Variants in FRMPD4 observed in about 807,000 individuals in gnomAD.
FRMPD4 encodes the protein FERM and PDZ domain containing 4, also known as FERM and PDZ domain-containing protein 4.
FRMPD4 carries 22 observed loss-of-function variants against 94.1 expected under a neutral mutation model. The ratio of observed to expected loss-of-function variants is 0.23; its 90% CI spans 0.17 to 0.33. The LOEUF (loss-of-function observed/expected upper bound fraction) is 0.33, where lower values mean the gene tolerates loss of function less well. Ranked by LOEUF, FRMPD4 falls within the 10% of genes least tolerant of loss-of-function variation. The probability of loss-of-function intolerance (pLI) is 1.00; values close to 1 mark genes in which losing one functional copy is unlikely to be tolerated. For synonymous variants in FRMPD4, 631 were observed against 548.6 expected, an observed-to-expected ratio of 1.15 and a Z score of -2.10; for missense variants, 1,111 against 1,339.9, an observed-to-expected ratio of 0.83 and a Z score of 2.67.
At position 11,841,686 on chromosome X, in the gene FRMPD4, A is replaced by G. The variant is rs755880456; in HGVS notation, c.-161+18971A>G. Among the ~76,000 whole-genome samples, 3 of 109,267 alleles carry G rather than the reference A, an allele frequency of 2.7e-5. No homozygotes were observed. In the East Asian group the frequency reaches 8.6e-4, roughly 31 times the overall value. 94.9% of individuals were successfully genotyped at this position (109,267 alleles called of 115,157 possible). A position where few individuals can be genotyped will look rare whatever the true frequency, so the allele number is the denominator to read the frequency against. On this transcript the variant is annotated intron_variant, in intron 1 of 18. Coordinates refer to the FRMPD4 transcript ENST00000640291. ...GAGTAGGTTGCGAAAATTTTCTCCC[A>G]TGTTGTAGGTTGCCTGTTCACTCTG...
intron 1 of FRMPD4, among the ~76,000 whole-genome samples, chrX:11,859,199 A>G (rs903437871): frequency 4.5e-5 from 5 of 111,732 alleles, no homozygotes; most frequent in African/African-American, 1.6e-4. Flanking sequence ...TGCACATGGG[A>G]AGAACTACAC....
At chrX:12,668,755 C>T (rs1297786667) in intron 4 of FRMPD4, among the ~76,000 whole-genome samples, 1 of 109,731 alleles carries the variant, frequency 9.1e-6, no homozygotes, top group Non-Finnish European at 1.9e-5. Context: ...CAAGCATGTG[C>T]CACCATGCCC....
At chrX:12,426,744 C>G in intron 1 of FRMPD4, among the ~76,000 whole-genome samples, 1 of 111,753 alleles carries the variant, frequency 8.9e-6, no homozygotes, top group Non-Finnish European at 1.9e-5. Context: ...ACACTCCTAT[C>G]AGTCCGATGG....
intron 2 of FRMPD4, among the ~76,000 whole-genome samples, chrX:12,517,407 C>T (rs1193489005): frequency 8.9e-6 from 1 of 112,711 alleles, no homozygotes; most frequent in Non-Finnish European, 1.9e-5. Flanking sequence ...TTTGTTGATG[C>T]TGTTGTTGTT....
intron 1 of FRMPD4, among the ~76,000 whole-genome samples, chrX:12,304,251 A>G (rs1448339284): frequency 8.9e-6 from 1 of 111,875 alleles, no homozygotes; most frequent in East Asian, 2.8e-4. Context: ...TTTGTGTTCT[A>G]TTACCAAAAA....
At chrX:11,986,967 C>G (rs1250432802) in intron 3 of FRMPD4, among the ~76,000 whole-genome samples, 1 of 107,962 alleles carries the variant, frequency 9.3e-6, no homozygotes, top group Non-Finnish European at 1.9e-5. Context: ...CTGAATTCTA[C>G]CAAACATTTA....
chrX:11,905,587 G>T (rs949353490), intron 3 of FRMPD4, among the ~76,000 whole-genome samples: 1 of 111,474 alleles, frequency 9.0e-6, no homozygotes, highest in Non-Finnish European at 1.9e-5. Flanking sequence ...CTATTAGAAA[G>T]AGCCCTCAGT....
chrX:12,464,755 T>C (rs981996560), intron 1 of FRMPD4, among the ~76,000 whole-genome samples: 1 of 111,770 alleles, frequency 8.9e-6, no homozygotes, highest in East Asian at 2.8e-4. Flanking sequence ...TGAGTAATTA[T>C]GTGTACAACT....
At chrX:12,474,458 A>T (rs1307410719) in intron 1 of FRMPD4, among the ~76,000 whole-genome samples, 1 of 111,788 alleles carries the variant, frequency 8.9e-6, no homozygotes, top group Non-Finnish European at 1.9e-5. Context: ...AATAACTAAG[A>T]TCAGAGCAGA....
chrX:12,475,583 T>C (rs1387288142), intron 1 of FRMPD4, among the ~76,000 whole-genome samples: 3 of 111,728 alleles, frequency 2.7e-5, no homozygotes, highest in African/African-American at 9.8e-5. Context: ...CAGTCCAAAA[T>C]CTCCTTAAGC....
intron 1 of FRMPD4, among the ~76,000 whole-genome samples, chrX:12,495,919 A>G (rs1371390852): frequency 9.0e-6 from 1 of 111,156 alleles, no homozygotes; most frequent in Non-Finnish European, 1.9e-5. Flanking sequence ...AACGTGCAGT[A>G]AGGCATCACA....
chrX:12,310,970 T>A (rs2055022226), intron 1 of FRMPD4, among the ~76,000 whole-genome samples: 1 of 112,814 alleles, frequency 8.9e-6, no homozygotes, highest in South Asian at 3.6e-4. Flanking sequence ...TCAGCTTTTA[T>A]TTTACTATTT....
Position 12,306,221 on chromosome X carries a change from A to C in FRMPD4, c.41+167209A>C, listed in dbSNP as rs141211781. Among the ~76,000 whole-genome samples the C allele has an allele frequency of 2.1e-4, 23 of 111,458 alleles. No homozygotes were observed. In the East Asian group the frequency reaches 6.2e-3, roughly 30 times the overall value. The stretch of plus-strand genomic sequence containing the variant: ...CAATCAGAAGTACTGTACTGATTGC[A>C]TTTCTTTGTCTCAAAAAGTTTTCCT... On this transcript the variant is annotated intron_variant, in intron 1 of 16. Coordinates refer to ENST00000675598, the MANE Select transcript of FRMPD4 (RefSeq NM_001368397.1).
In FRMPD4 at chrX:12,249,017, C is replaced by T. The variant is rs147005255; in HGVS notation, c.41+110005C>T. ...TTGTGCCACTGCACTCCAGCCTGGGCGATAGAATGAGACTCCGTCTCAAAA... is the reference window on the plus strand; with the variant it reads ...TTGTGCCACTGCACTCCAGCCTGGGTGATAGAATGAGACTCCGTCTCAAAA... On this transcript the variant is annotated intron_variant, in intron 1 of 16. Coordinates refer to ENST00000675598, the MANE Select transcript of FRMPD4 (RefSeq NM_001368397.1). Among the ~76,000 whole-genome samples the T allele has an allele frequency of 7.0e-3, 787 of 112,488 alleles. 15 individuals carry two copies. The highest frequency in any genetic ancestry group is 0.061 in the Admixed American group (651 of 10,687).
intron 3 of FRMPD4, among the ~76,000 whole-genome samples, chrX:11,905,596 G>T (rs1045286170): frequency 1.8e-5 from 2 of 111,400 alleles, no homozygotes; most frequent in Admixed American, 9.6e-5. Context: ...AGAGCCCTCA[G>T]TTAGCCCAGA....
At chrX:11,930,308 G>C (rs2054115879) in intron 3 of FRMPD4, among the ~76,000 whole-genome samples, 1 of 110,290 alleles carries the variant, frequency 9.1e-6, no homozygotes, top group Admixed American at 9.7e-5. Context: ...TGCCCACCAG[G>C]AACCTGTAGA....
chrX:12,076,269 G>A (rs918936829), intron 3 of FRMPD4, among the ~76,000 whole-genome samples: 25 of 110,180 alleles, frequency 2.3e-4, no homozygotes, highest in Admixed American at 6.8e-4. Flanking sequence ...CAAGTTAGTA[G>A]TCCTTAGATA....
At chrX:12,136,543 T>C (rs190598158), upstream of FRMPD4, among the ~76,000 whole-genome samples, 1 of 110,951 alleles carries the variant, frequency 9.0e-6, no homozygotes, top group East Asian at 2.8e-4. Context: ...AAGCCGGCCA[T>C]GCAGATATCC....
chrX:12,299,795 G>A (rs182003571), intron 1 of FRMPD4, among the ~76,000 whole-genome samples: 161 of 112,047 alleles, frequency 1.4e-3, no homozygotes, highest in African/African-American at 4.8e-3. Flanking sequence ...CAATAGATGC[G>A]TGGAAGAATG....
Sources: allele counts gnomAD v4.1 joint callset (sites outside exome capture counted in the v4.1 genomes callset), GRCh38; gene constraint gnomAD v4.1.1; transcripts MANE v1.5; gene names NCBI Gene and HGNC (gene_info 2026-07-23, HGNC 2026-07-21).